Variants in HFM1 observed in about 807,000 individuals in gnomAD.
The protein encoded by HFM1 is probable ATP-dependent DNA helicase HFM1.
A neutral mutation model predicts 192.1 loss-of-function variants in HFM1; 169 were observed. The observed-to-expected ratio is 0.88, with a 90% CI of 0.78 to 1.00. HFM1 has a LOEUF of 1.00. Ranked by LOEUF, HFM1 falls within the 50% of genes least tolerant of loss-of-function variation. The pLI is 0.00. For missense variants in HFM1, 1,661 were observed against 1,668.0 expected (o/e 1.00, Z 0.07); for synonymous variants, 525 against 537.8 (o/e 0.98, Z 0.33).
chr1:91,370,398 A>G (rs559738837), intron 13 of HFM1, among the ~76,000 whole-genome samples: 4 of 152,324 alleles, frequency 2.6e-5, no homozygotes, highest in African/African-American at 9.6e-5. Context: ...CACCATGATC[A>G]AGTGGGCTTC....
Position 91,262,474 on chromosome 1 carries a change from T to C in HFM1, c.4086+7A>G. On this transcript the variant is annotated splice_region_variant and intron_variant, in intron 37 of 38. Transcript: ENST00000370425. ...TAAAAGAAAAACAAAGAAGTGCTTCTTCTTACAATAACTGCATTTCCGGCT... is the reference window on the plus strand; with the variant it reads ...TAAAAGAAAAACAAAGAAGTGCTTCCTCTTACAATAACTGCATTTCCGGCT... 6.3e-7 allele frequency: 1 copy of C among 1,581,658 alleles called. No individual in the cohort carries two copies. The highest frequency in any genetic ancestry group is 1.7e-5 in the Admixed American group (1 of 58,824).
chr1:91,276,858 A>G (rs1666875647), intron 31 of HFM1, 115 bp from the exon 32 acceptor site: 1 of 814,396 alleles, frequency 1.2e-6, no homozygotes, highest in African/African-American at 1.8e-5. Flanking sequence ...GCCCACAGAG[A>G]GAAAATTATT....
chr1:91,404,528 C>A lies in HFM1; in HGVS notation c.-28+270G>T, dbSNP rs1199630801. On this transcript the variant is annotated intron_variant, in intron 1 of 38. Coordinates refer to ENST00000370425, the MANE Select transcript of HFM1 (RefSeq NM_001017975.6). ...GGCGGGCCGGACGCCCAGCCGGTCC[C>A]ACCTCGCGGGGAGCTGGGCCCGCCC... 7 of 218,362 alleles carry A rather than the reference C, an allele frequency of 3.2e-5. No homozygotes were observed. The South Asian group carries it at 3.7e-4, about 12-fold the overall frequency. The allele number at this position is 218,362 out of a possible 1,614,324, so 13.5% of individuals were successfully genotyped here. A position where few individuals can be genotyped will look rare whatever the true frequency, so the allele number is the denominator to read the frequency against.
At position 91,385,733 on chromosome 1, in the gene HFM1, T is replaced by C; in HGVS notation, c.596A>G (p.Asn199Ser). The C allele has an allele frequency of 6.2e-7, 1 of 1,612,996 alleles. No homozygotes were observed. The highest frequency in any genetic ancestry group is 1.3e-5 in the African/African-American group (1 of 75,014). ...GSVKIVQTEMNKGKSRNYSNS... is the reference protein window; with the variant it reads ...GSVKIVQTEMSKGKSRNYSNS... ...GCTATAGTTCCTTGATTTCCCTTTG[T>C]TCATTTCTGTTTGTACAATTTTCAC... The change falls in exon 5 of 39, where the codon AAC becomes AGC. Residue 199 changes from asparagine (N) to serine (S), a missense_variant. Physicochemically the swap from Asn to Ser is conservative, Grantham distance 46. Coordinates refer to ENST00000370425, the MANE Select transcript of HFM1 (RefSeq NM_001017975.6).
intron 28 of HFM1, among the ~76,000 whole-genome samples, chr1:91,315,308 C>A (rs182163459): frequency 5.3e-5 from 8 of 152,154 alleles, no homozygotes; most frequent in Admixed American, 3.3e-4. Flanking sequence ...AATAATAGTA[C>A]CTGGAAAAAT....
chr1:91,270,671 T>C (rs1036822490), intron 34 of HFM1, among the ~76,000 whole-genome samples: 7 of 152,006 alleles, frequency 4.6e-5, no homozygotes, highest in Admixed American at 4.6e-4. Flanking sequence ...ATAATGGTTT[T>C]ACTGAAATCA....
intron 30 of HFM1, among the ~76,000 whole-genome samples, chr1:91,311,083 A>C (rs967716863): frequency 2.6e-5 from 4 of 152,192 alleles, no homozygotes; most frequent in African/African-American, 9.7e-5. Context: ...TTTGCCCAAA[A>C]TGCTGATAGC....
intron 2 of HFM1, among the ~76,000 whole-genome samples, chr1:91,397,960 A>T (rs1464363104): frequency 6.6e-6 from 1 of 152,244 alleles, no homozygotes; most frequent in Non-Finnish European, 1.5e-5. Flanking sequence ...TGTCTGGCAC[A>T]CACCTAAATT....
chr1:91,280,203 T>C (rs772880895), intron 30 of HFM1, among the ~76,000 whole-genome samples: 5 of 152,154 alleles, frequency 3.3e-5, no homozygotes, highest in Non-Finnish European at 1.5e-5. Flanking sequence ...GTCAGGAACG[T>C]TGGGCTGAGC....
At chr1:91,293,845 T>C (rs1669070966) in intron 30 of HFM1, among the ~76,000 whole-genome samples, 1 of 148,078 alleles carries the variant, frequency 6.8e-6, no homozygotes, top group African/African-American at 2.5e-5. Flanking sequence ...GTGGCACATA[T>C]ACACCATGGA....
chr1:91,373,506 T>A (rs1660512736), intron 13 of HFM1, among the ~76,000 whole-genome samples: 1 of 152,080 alleles, frequency 6.6e-6, no homozygotes, highest in South Asian at 2.1e-4. Context: ...TTAAATCTCA[T>A]GCTAAATTGT....
chr1:91,340,029 A>G (rs1399831850), intron 20 of HFM1, among the ~76,000 whole-genome samples: 5 of 152,110 alleles, frequency 3.3e-5, no homozygotes, highest in African/African-American at 4.8e-5. Flanking sequence ...TTTTTTTGAC[A>G]GGGTCTTACT....
intron 34 of HFM1, 62 bp downstream of exon 34, chr1:91,273,650 T>C (rs1029605362): frequency 2.5e-5 from 21 of 825,086 alleles, no homozygotes; most frequent in South Asian, 1.8e-4. Context: ...ATAACACTAC[T>C]CGTCAATTCA....
intron 30 of HFM1, among the ~76,000 whole-genome samples, chr1:91,283,394 C>G (rs1043261783): frequency 6.6e-6 from 1 of 152,056 alleles, no homozygotes; most frequent in Admixed American, 6.6e-5. Context: ...CAGGCATGCA[C>G]CACCACACCC....
Position 91,274,745 on chromosome 1 carries a change from A to T in HFM1, c.3653T>A (p.Leu1218His), listed in dbSNP as rs1202975304. Residue 1218 changes from leucine to histidine, a missense_variant, in exon 33 of 39, where the codon CTT (leucine) becomes CAT (histidine). Leu to His is a moderately conservative substitution (Grantham distance 99, BLOSUM62 -3). Coordinates refer to ENST00000370425, the MANE Select transcript of HFM1 (RefSeq NM_001017975.6). ...ATATTTGTACCTTGATATACTAGGAAGGGAAGGTTTTGGAGTAAAACCAAA... is the reference window on the plus strand; with the variant it reads ...ATATTTGTACCTTGATATACTAGGATGGGAAGGTTTTGGAGTAAAACCAAA... Reference protein sequence around the residue: ...KEFGFTPKPSLPSISRSEYLN... With the variant: ...KEFGFTPKPSHPSISRSEYLN... The T allele has an allele frequency of 6.6e-7, 1 of 1,525,798 alleles. No individual in the cohort carries two copies. The highest frequency in any genetic ancestry group is 9.1e-7 in the Non-Finnish European group (1 of 1,101,712). The allele number at this position is 1,525,798 out of a possible 1,614,324, so 94.5% of individuals were successfully genotyped here.
At chr1:91,341,675 T>C (rs1655354576) in intron 20 of HFM1, among the ~76,000 whole-genome samples, 1 of 151,748 alleles carries the variant, frequency 6.6e-6, no homozygotes. Flanking sequence ...ATAAATAAGA[T>C]TGATAGACTG....
chr1:91,337,177 C>T (rs887874677), intron 20 of HFM1, among the ~76,000 whole-genome samples: 2 of 152,104 alleles, frequency 1.3e-5, no homozygotes, highest in African/African-American at 2.4e-5. Flanking sequence ...AACCACCATG[C>T]CACATGTTTA....
chr1:91,317,111 A>G (rs1007611649), intron 25 of HFM1, among the ~76,000 whole-genome samples: 1 of 152,086 alleles, frequency 6.6e-6, no homozygotes, highest in Non-Finnish European at 1.5e-5. Flanking sequence ...CTTTCATTCT[A>G]TTCCTTAAAT....
At chr1:91,371,053 C>G (rs1303072949) in intron 13 of HFM1, among the ~76,000 whole-genome samples, 1 of 151,416 alleles carries the variant, frequency 6.6e-6, no homozygotes. Context: ...AGGACCTCTT[C>G]AAGGAGAACT....
Sources: gnomAD v4.1 joint callset for allele counts (sites outside exome capture counted in the v4.1 genomes callset) on GRCh38, gnomAD v4.1.1 for gene constraint, MANE v1.5 for transcripts, NCBI Gene and HGNC (gene_info 2026-07-23, HGNC 2026-07-21) for gene names.